The following TRPM3 variants were observed in gnomAD, a reference collection of about 807,000 sequenced individuals.
TRPM3 encodes transient receptor potential cation channel subfamily M member 3.
In TRPM3, 77 loss-of-function variants were observed where a neutral mutation model predicts 181.2. The observed-to-expected ratio is 0.42, with a 90% confidence interval of 0.35 to 0.51. The LOEUF is 0.51. Ranked by LOEUF, TRPM3 falls within the 20% of genes least tolerant of loss-of-function variation. TRPM3 has a pLI of 0.01. For synonymous variants in TRPM3, 745 were observed against 796.4 expected (o/e 0.94, Z 1.09); for missense variants, 1,759 against 2,196.7 (o/e 0.80, Z 3.98).
At chr9:70,753,729 G>T (rs539833558) in intron 8 of TRPM3, among the ~76,000 whole-genome samples, 1 of 152,154 alleles carries the variant, frequency 6.6e-6, no homozygotes, top group Non-Finnish European at 1.5e-5. Context: ...TGGTGGGAGG[G>T]GGGAGGTAGG....
At chr9:71,325,837 TC>T in intron 1 of TRPM3, among the ~76,000 whole-genome samples, 1 of 152,300 alleles carries the variant, frequency 6.6e-6, no homozygotes. Context: ...TGATTTTTTT[TC>T]TATTGGCACT....
chr9:71,123,567 C>G (rs1044436187), upstream of TRPM3, among the ~76,000 whole-genome samples: 10 of 152,170 alleles, frequency 6.6e-5, no homozygotes, highest in Non-Finnish European at 1.0e-4. Context: ...GCTGGAAGCC[C>G]ACTGACAATT....
chr9:70,845,968 T>C (rs184194410), intron 4 of TRPM3, among the ~76,000 whole-genome samples: 2 of 152,340 alleles, frequency 1.3e-5, no homozygotes, highest in East Asian at 1.9e-4. Context: ...ATGTCCCAGA[T>C]GGAAACGTCA....
intron 22 of TRPM3, among the ~76,000 whole-genome samples, chr9:70,572,843 T>G (rs1327202077): frequency 1.3e-5 from 2 of 152,174 alleles, no homozygotes; most frequent in Non-Finnish European, 2.9e-5. Context: ...AGAGACCATC[T>G]AAAGACAGTA....
At chr9:70,962,524 G>A (rs1161685852) in intron 1 of TRPM3, among the ~76,000 whole-genome samples, 2 of 152,086 alleles carry the variant, frequency 1.3e-5, no homozygotes, top group Non-Finnish European at 2.9e-5. Flanking sequence ...CTCACCTATG[G>A]TAAGGACGGA....
At chr9:71,250,072 C>A (rs74807447) in intron 1 of TRPM3, among the ~76,000 whole-genome samples, 1,646 of 152,276 alleles carry the variant, frequency 0.011, 27 homozygotes, top group East Asian at 0.074. Context: ...CATTAACAAT[C>A]TTTAAACACC....
chr9:70,654,371 T>C (rs759779554), intron 9 of TRPM3, among the ~76,000 whole-genome samples: 10 of 152,038 alleles, frequency 6.6e-5, no homozygotes, highest in Non-Finnish European at 1.5e-4. Context: ...GTGGCCCTTA[T>C]AGGGAAATCC....
chr9:70,549,494 T>A (rs753442133), intron 25 of TRPM3, 48 bp downstream of exon 25: 72 of 1,569,846 alleles, frequency 4.6e-5, no homozygotes, highest in Non-Finnish European at 6.0e-5. Flanking sequence ...GGATAAAGCA[T>A]GCCTTGGCAC....
intron 1 of TRPM3, among the ~76,000 whole-genome samples, chr9:70,908,856 T>C (rs1456497917): frequency 6.6e-6 from 1 of 152,110 alleles, no homozygotes; most frequent in Non-Finnish European, 1.5e-5. Context: ...ATGAGCAAAG[T>C]GACACTTCAG....
chr9:71,332,412 T>TGTGTGTGTGTGTG (rs1565471555), intron 1 of TRPM3, among the ~76,000 whole-genome samples: 3 of 150,468 alleles, frequency 2.0e-5, no homozygotes, highest in South Asian at 2.1e-4. Context: ...TGTGTGTGTG[T>TGTGTGTGTGTGTG]TTCAGCACAG....
At chr9:70,886,151 A>T (rs2096077960) in intron 1 of TRPM3, among the ~76,000 whole-genome samples, 3 of 152,268 alleles carry the variant, frequency 2.0e-5, no homozygotes, top group Non-Finnish European at 4.4e-5. Flanking sequence ...AATCTGTAAG[A>T]ACAAGTGACA....
chr9:71,440,038 G>C (rs1368792537), intron 1 of TRPM3, among the ~76,000 whole-genome samples: 1 of 152,098 alleles, frequency 6.6e-6, no homozygotes, highest in East Asian at 1.9e-4. Flanking sequence ...CTGGAGAATG[G>C]CGTGAACCCA....
At chr9:71,194,065 T>C (rs899594289) in intron 1 of TRPM3, among the ~76,000 whole-genome samples, 15 of 151,978 alleles carry the variant, frequency 9.9e-5, no homozygotes, top group African/African-American at 3.4e-4. Context: ...TTGTTTTACA[T>C]GACACTGTTT....
chr9:70,750,332 A>G (rs980068423), intron 8 of TRPM3, among the ~76,000 whole-genome samples: 2 of 152,168 alleles, frequency 1.3e-5, no homozygotes, highest in African/African-American at 4.8e-5. Flanking sequence ...AAGTGTGGGG[A>G]TTCATCCAGA....
At chr9:71,332,621 TCA>T (rs2090287846) in intron 1 of TRPM3, among the ~76,000 whole-genome samples, 1 of 151,698 alleles carries the variant, frequency 6.6e-6, no homozygotes, top group African/African-American at 2.4e-5. Flanking sequence ...CAGTGTGACA[TCA>T]GTTTCCTTAC....
chr9:70,892,156 T>G (rs1032949487), intron 1 of TRPM3, among the ~76,000 whole-genome samples: 1 of 152,184 alleles, frequency 6.6e-6, no homozygotes, highest in Admixed American at 6.5e-5. Context: ...ATTTTAACAT[T>G]TTGTGCCTTA....
chr9:71,137,730 C>T (rs1296769184), intron 1 of TRPM3, among the ~76,000 whole-genome samples: 1 of 152,132 alleles, frequency 6.6e-6, no homozygotes, highest in African/African-American at 2.4e-5. Context: ...CAAAAGGAAG[C>T]TTCAGGCTTG....
intron 8 of TRPM3, among the ~76,000 whole-genome samples, chr9:70,749,712 A>G (rs2075792980): frequency 6.6e-6 from 1 of 152,242 alleles, no homozygotes. Flanking sequence ...AAGTAGTACT[A>G]AAATGAAGTC....
chr9:70,658,086 T>G (rs112080271), intron 9 of TRPM3, among the ~76,000 whole-genome samples: 12,941 of 152,270 alleles, frequency 0.085, 743 homozygotes, highest in East Asian at 0.24. Context: ...TTATATCTTA[T>G]GGTTAAGATT....
Sources: gnomAD v4.1 joint callset for allele counts (sites outside exome capture counted in the v4.1 genomes callset) on GRCh38, gnomAD v4.1.1 for gene constraint, MANE v1.5 for transcripts, NCBI Gene and HGNC (gene_info 2026-07-23, HGNC 2026-07-21) for gene names.